The following CNTNAP2 variants were observed in gnomAD, a reference collection of about 807,000 sequenced individuals.
The protein encoded by CNTNAP2 is contactin-associated protein-like 2.
Under a neutral mutation model 155.2 loss-of-function variants are expected in CNTNAP2, and 98 were observed. The ratio of observed to expected loss-of-function variants is 0.63; its 90% CI spans 0.54 to 0.75. The LOEUF (loss-of-function observed/expected upper bound fraction) is 0.75, where lower values mean the gene tolerates loss of function less well. Among genes scored for constraint, CNTNAP2 ranks in the 30% least tolerant of loss-of-function variants. The pLI, the probability that CNTNAP2 is intolerant of heterozygous loss-of-function variation, is 0.00. For missense variants in CNTNAP2, 1,727 were observed against 1,688.1 expected (o/e 1.02, Z -0.40); for synonymous variants, 651 against 631.2 (o/e 1.03, Z -0.47).
intron 22 of CNTNAP2, among the ~76,000 whole-genome samples, chr7:148,402,531 T>C (rs551678853): frequency 1.3e-5 from 2 of 152,320 alleles, no homozygotes; most frequent in African/African-American, 4.8e-5. Flanking sequence ...ACCATTTGTT[T>C]TCATATCTGT....
intron 1 of CNTNAP2, among the ~76,000 whole-genome samples, chr7:146,397,671 A>G (rs1795649479): frequency 6.6e-6 from 1 of 152,136 alleles, no homozygotes; most frequent in African/African-American, 2.4e-5. Flanking sequence ...TTTTCATAAT[A>G]TCTGGAAATA....
intron 9 of CNTNAP2, among the ~76,000 whole-genome samples, chr7:147,318,988 A>ATTATT (rs1194003341): frequency 2.6e-5 from 4 of 152,162 alleles, no homozygotes. Context: ...ATTTGTCAGG[A>ATTATT]TTATTTTTAA....
chr7:148,325,079 A>ATTC (rs770314472), intron 21 of CNTNAP2, among the ~76,000 whole-genome samples: 1 of 152,216 alleles, frequency 6.6e-6, no homozygotes, highest in Non-Finnish European at 1.5e-5. Context: ...TACATAGCAA[A>ATTC]TTCTATATGC....
chr7:148,200,009 G>A (rs1029535772), intron 18 of CNTNAP2, among the ~76,000 whole-genome samples: 1 of 152,226 alleles, frequency 6.6e-6, no homozygotes, highest in African/African-American at 2.4e-5. Flanking sequence ...CAGCACAAGA[G>A]AGGGTGAATT....
At chr7:146,287,410 C>G (rs925899888) in intron 1 of CNTNAP2, among the ~76,000 whole-genome samples, 31 of 152,146 alleles carry the variant, frequency 2.0e-4, no homozygotes, top group African/African-American at 7.5e-4. Context: ...GATAAGCCTT[C>G]TGAACGTAAC....
chr7:146,713,703 C>T (rs1408222959), intron 1 of CNTNAP2, among the ~76,000 whole-genome samples: 6 of 152,130 alleles, frequency 3.9e-5, no homozygotes, highest in Admixed American at 3.3e-4. Context: ...TTTTCCCATT[C>T]CTGATCATCC....
chr7:147,369,432 T>C (rs1796304102), intron 9 of CNTNAP2, among the ~76,000 whole-genome samples: 2 of 152,222 alleles, frequency 1.3e-5, no homozygotes, highest in South Asian at 4.1e-4. Flanking sequence ...GACTTCCCTC[T>C]TCCTCTCCTA....
At chr7:147,778,117 G>A (rs1797613038) in intron 13 of CNTNAP2, among the ~76,000 whole-genome samples, 1 of 152,026 alleles carries the variant, frequency 6.6e-6, no homozygotes, top group African/African-American at 2.4e-5. Context: ...TCATGCTTCG[G>A]CATAAAGTCC....
chr7:147,282,165 T>C (rs1276894024), intron 8 of CNTNAP2, among the ~76,000 whole-genome samples: 1 of 151,880 alleles, frequency 6.6e-6, no homozygotes, highest in African/African-American at 2.4e-5. Context: ...GATTTGATAG[T>C]GGGCATGAAA....
chr7:147,680,260 T>G (rs1032965178), intron 13 of CNTNAP2, among the ~76,000 whole-genome samples: 5 of 151,948 alleles, frequency 3.3e-5, no homozygotes, highest in African/African-American at 1.2e-4. Context: ...ACTATGGTAC[T>G]GCACTTGTCC....
intron 10 of CNTNAP2, among the ~76,000 whole-genome samples, chr7:147,424,171 T>G (rs894210591): frequency 6.6e-6 from 1 of 152,154 alleles, no homozygotes; most frequent in African/African-American, 2.4e-5. Flanking sequence ...ATCTACCCAT[T>G]TCTTCTTCAG....
chr7:146,761,334 G>GAAGGAAAA lies in CNTNAP2; in HGVS notation c.98-12935_98-12934insGGAAAAAA, dbSNP rs1463957492. Among the ~76,000 whole-genome samples the GAAGGAAAA allele has an allele frequency of 2.4e-3, 347 of 147,160 alleles. 8 individuals are homozygous for GAAGGAAAA. Among genetic ancestry groups the GAAGGAAAA allele is most frequent in the African/African-American group, 8.6e-3 (335 of 39,134 alleles). On this transcript the variant is annotated intron_variant, in intron 1 of 23. Coordinates refer to ENST00000361727, the MANE Select transcript of CNTNAP2 (RefSeq NM_014141.6). ...GGAAGGAAGGAAGGAAGGAAGGAAG[G>GAAGGAAAA]AAAATAGGAAAGTGTGTTCCCTGAA... is the stretch of plus-strand genomic sequence containing the variant.
chr7:147,410,737 TCATA>T (rs66740966), intron 10 of CNTNAP2, among the ~76,000 whole-genome samples: 45,607 of 151,848 alleles, frequency 0.3, 7,735 homozygotes, highest in Admixed American at 0.37. Flanking sequence ...TGTGAATACT[TCATA>T]CACACACAGG....
chr7:147,927,545 A>T (rs1282319860), intron 14 of CNTNAP2, among the ~76,000 whole-genome samples: 1 of 152,214 alleles, frequency 6.6e-6, no homozygotes, highest in African/African-American at 2.4e-5. Flanking sequence ...TTTTAAAAAG[A>T]ATTGGTAGGC....
chr7:147,724,992 G>A (rs894825573), intron 13 of CNTNAP2, among the ~76,000 whole-genome samples: 37 of 152,028 alleles, frequency 2.4e-4, no homozygotes, highest in African/African-American at 8.4e-4. Flanking sequence ...TCAAAGGGAC[G>A]GCCATTCTGT....
At chr7:146,759,707 A>G (rs1381565282) in intron 1 of CNTNAP2, among the ~76,000 whole-genome samples, 6 of 99,904 alleles carry the variant, frequency 6.0e-5, no homozygotes, top group African/African-American at 3.4e-4. Flanking sequence ...AAAAAAAAAA[A>G]AAAAGGTGGG....
intron 1 of CNTNAP2, among the ~76,000 whole-genome samples, chr7:146,657,131 C>T (rs1800009142): frequency 6.6e-6 from 1 of 152,180 alleles, no homozygotes; most frequent in Non-Finnish European, 1.5e-5. Context: ...ATGATCCTCA[C>T]AGCCTCACAT....
intron 1 of CNTNAP2, among the ~76,000 whole-genome samples, chr7:146,407,642 TA>T (rs1328542308): frequency 6.6e-6 from 1 of 152,206 alleles, no homozygotes; most frequent in Admixed American, 6.5e-5. Flanking sequence ...ATTTGCCTCC[TA>T]ATCATCTACT....
At chr7:146,593,580 A>T (rs924009296) in intron 1 of CNTNAP2, among the ~76,000 whole-genome samples, 1 of 152,096 alleles carries the variant, frequency 6.6e-6, no homozygotes, top group African/African-American at 2.4e-5. Flanking sequence ...CAGAACAAAG[A>T]TCAGTACTTG....
Sources: allele counts gnomAD v4.1 joint callset (sites outside exome capture counted in the v4.1 genomes callset), GRCh38; gene constraint gnomAD v4.1.1; transcripts MANE v1.5; gene names NCBI Gene and HGNC (gene_info 2026-07-23, HGNC 2026-07-21).